Variants in GUCY1A2 observed in about 807,000 individuals in gnomAD.
GUCY1A2 encodes guanylate cyclase soluble subunit alpha-2.
A neutral mutation model predicts 63.5 loss-of-function variants in GUCY1A2; 27 were observed. The observed-to-expected ratio is 0.43, with a 90% CI of 0.31 to 0.59. The LOEUF is 0.59. GUCY1A2 is among the 20% of genes least tolerant of loss of function. The probability of loss-of-function intolerance (pLI) is 0.11; values close to 1 mark genes in which losing one functional copy is unlikely to be tolerated. For missense variants in GUCY1A2, 768 were observed against 913.3 expected (o/e 0.84, Z 2.05); for synonymous variants, 364 against 343.5 (o/e 1.06, Z -0.66).
At chr11:106,898,209 G>T (rs1171152102) in intron 4 of GUCY1A2, among the ~76,000 whole-genome samples, 1 of 152,144 alleles carries the variant, frequency 6.6e-6, no homozygotes, top group African/African-American at 2.4e-5. Flanking sequence ...TGCTGACAAG[G>T]GTAGGCAGCA....
intron 5 of GUCY1A2, among the ~76,000 whole-genome samples, chr11:106,797,952 C>A (rs1164186852): frequency 1.3e-5 from 2 of 151,946 alleles, no homozygotes; most frequent in East Asian, 3.9e-4. Flanking sequence ...CACAAAAGAC[C>A]CTTCAAAAAA....
intron 4 of GUCY1A2, among the ~76,000 whole-genome samples, chr11:106,837,816 A>G (rs561271346): frequency 6.6e-6 from 1 of 152,118 alleles, no homozygotes; most frequent in South Asian, 2.1e-4. Context: ...CTTCCTGCAA[A>G]CAAATGAATC....
intron 4 of GUCY1A2, among the ~76,000 whole-genome samples, chr11:106,877,709 G>A (rs1859768899): frequency 6.6e-6 from 1 of 152,062 alleles, no homozygotes; most frequent in Non-Finnish European, 1.5e-5. Flanking sequence ...TCTGGACACA[G>A]GAATGGACAA....
chr11:106,897,175 C>G (rs1336964552), intron 4 of GUCY1A2, among the ~76,000 whole-genome samples: 2 of 151,958 alleles, frequency 1.3e-5, no homozygotes, highest in African/African-American at 4.8e-5. Context: ...AATAACAAAA[C>G]TCTGATGAAA....
intron 6 of GUCY1A2, among the ~76,000 whole-genome samples, chr11:106,719,767 A>G (rs890036650): frequency 8.5e-5 from 13 of 152,206 alleles, no homozygotes; most frequent in Non-Finnish European, 1.8e-4. Context: ...AAGATTGGGT[A>G]TTGGGATTTT....
At chr11:106,979,082 A>C (rs1565349486) in intron 2 of GUCY1A2, among the ~76,000 whole-genome samples, 1 of 152,234 alleles carries the variant, frequency 6.6e-6, no homozygotes, top group Non-Finnish European at 1.5e-5. Flanking sequence ...GAAAAGGAAA[A>C]GTTAACAATG....
intron 4 of GUCY1A2, among the ~76,000 whole-genome samples, chr11:106,880,008 G>A (rs1859802299): frequency 1.3e-5 from 2 of 151,856 alleles, no homozygotes; most frequent in South Asian, 2.1e-4. Context: ...GACCCTGTAT[G>A]GTCAATGCAC....
At chr11:106,811,986 T>C (rs1316645811) in intron 4 of GUCY1A2, among the ~76,000 whole-genome samples, 1 of 151,972 alleles carries the variant, frequency 6.6e-6, no homozygotes, top group Non-Finnish European at 1.5e-5. Flanking sequence ...CTCAAAATAC[T>C]ACAGGTTATG....
intron 4 of GUCY1A2, among the ~76,000 whole-genome samples, chr11:106,869,324 C>T (rs1859640336): frequency 6.6e-6 from 1 of 152,200 alleles, no homozygotes; most frequent in Non-Finnish European, 1.5e-5. Context: ...AACAGGCAAC[C>T]TACAGAATGG....
At chr11:106,990,194 C>G (rs1861452788) in intron 1 of GUCY1A2, among the ~76,000 whole-genome samples, 1 of 152,114 alleles carries the variant, frequency 6.6e-6, no homozygotes, top group Middle Eastern at 3.2e-3. Flanking sequence ...AGGAAGCAGC[C>G]ATCAGTGTCC....
chr11:106,905,606 A>C (rs1860193963), intron 4 of GUCY1A2, among the ~76,000 whole-genome samples: 2 of 152,112 alleles, frequency 1.3e-5, no homozygotes, highest in South Asian at 4.1e-4. Context: ...CACTGACAGA[A>C]AAGAAGCCCA....
At chr11:106,945,211 G>T (rs1466858734) in intron 3 of GUCY1A2, among the ~76,000 whole-genome samples, 1 of 150,926 alleles carries the variant, frequency 6.6e-6, no homozygotes, top group Non-Finnish European at 1.5e-5. Context: ...GAGAAAACAG[G>T]TAATTAAAAA....
chr11:106,961,107 T>C (rs1447949754), intron 3 of GUCY1A2, among the ~76,000 whole-genome samples: 1 of 152,038 alleles, frequency 6.6e-6, no homozygotes, highest in African/African-American at 2.4e-5. Context: ...CATCTCAGAT[T>C]AGACTAGTCT....
intron 4 of GUCY1A2, among the ~76,000 whole-genome samples, chr11:106,813,797 A>C (rs1260785779): frequency 6.6e-6 from 1 of 152,062 alleles, no homozygotes; most frequent in African/African-American, 2.4e-5. Context: ...GTTGAGGAGG[A>C]TGATGCCTGT....
intron 1 of GUCY1A2, among the ~76,000 whole-genome samples, chr11:106,996,128 T>C (rs1238526278): frequency 2.6e-5 from 4 of 152,232 alleles, no homozygotes; most frequent in Non-Finnish European, 2.9e-5. Flanking sequence ...TCCAGTCGCA[T>C]GCCTGGGTTT....
At chr11:106,846,265 G>A (rs118170138) in intron 4 of GUCY1A2, among the ~76,000 whole-genome samples, 1,952 of 151,704 alleles carry the variant, frequency 0.013, 27 homozygotes, top group South Asian at 0.048. Context: ...CTGTGACTAT[G>A]TAGATGAATC....
intron 5 of GUCY1A2, among the ~76,000 whole-genome samples, chr11:106,793,919 G>C (rs1467044427): frequency 2.0e-5 from 3 of 152,100 alleles, no homozygotes; most frequent in African/African-American, 7.2e-5. Context: ...AATTGGGTCA[G>C]CTATTATGGA....
At chr11:106,966,615 C>T (rs531911362) in intron 3 of GUCY1A2, among the ~76,000 whole-genome samples, 4 of 152,202 alleles carry the variant, frequency 2.6e-5, no homozygotes, top group African/African-American at 7.2e-5. Flanking sequence ...TTTAATAGGG[C>T]AAATATTTCC....
chr11:106,944,608 T>C (rs568441716), intron 3 of GUCY1A2, among the ~76,000 whole-genome samples: 8 of 152,294 alleles, frequency 5.3e-5, no homozygotes, highest in African/African-American at 1.9e-4. Flanking sequence ...AGGTTACCTA[T>C]ATAACAAACC....
Sources: allele counts gnomAD v4.1 joint callset (sites outside exome capture counted in the v4.1 genomes callset), GRCh38; gene constraint gnomAD v4.1.1; transcripts MANE v1.5; gene names NCBI Gene and HGNC (gene_info 2026-07-23, HGNC 2026-07-21).